The following PTPN6 variants were observed in gnomAD, a reference collection of about 807,000 sequenced individuals.
PTPN6 encodes tyrosine-protein phosphatase non-receptor type 6.
A neutral mutation model predicts 81.5 loss-of-function variants in PTPN6; 18 were observed. That is an observed-to-expected ratio of 0.22 (90% CI 0.15 to 0.33). The LOEUF is 0.33. Ranked by LOEUF, PTPN6 falls within the 10% of genes least tolerant of loss-of-function variation. The pLI, the probability that PTPN6 is intolerant of heterozygous loss-of-function variation, is 1.00. For synonymous variants in PTPN6, 301 were observed against 310.9 expected (o/e 0.97, Z 0.33); for missense variants, 500 against 794.2 (o/e 0.63, Z 4.45).
upstream of PTPN6, among the ~76,000 whole-genome samples, chr12:6,947,877 C>G (rs1417512502): frequency 2.0e-5 from 3 of 151,976 alleles, no homozygotes; most frequent in African/African-American, 7.3e-5. Flanking sequence ...ATGGTGAGCA[C>G]AAAGCCCTAA....
In PTPN6 at chr12:6,956,490, C is replaced by G. The variant is rs372072330; in HGVS notation, c.996C>G (p.Val332=). 2.0e-5 allele frequency: 32 copies of G among 1,613,964 alleles called. No homozygotes were observed. The highest frequency in any genetic ancestry group is 6.7e-5 in the Admixed American group (4 of 60,010). ...GCCAGGGTTGTCTGGAGGCCACGGT[C>G]AATGACTTCTGGCAGATGGCGTGGC... ...IASQGCLEAT[V]NDFWQMAWQE... The change falls in exon 9 of 16, where the codon GTC becomes GTG. Residue 332 remains valine (V), a synonymous_variant. Coordinates refer to ENST00000318974, the MANE Select transcript of PTPN6 (RefSeq NM_002831.6). The surrounding 1 kb of genome is among the most constrained non-coding windows in gnomAD (Gnocchi z 4.1).
rs1555148434 is a variant in PTPN6 at position 6,955,317 on chromosome 12, G to C, written c.633+50G>C. The C allele has an allele frequency of 1.2e-6, 2 of 1,611,060 alleles. No individual in the cohort carries two copies. The highest frequency in any genetic ancestry group is 1.7e-6 in the Non-Finnish European group (2 of 1,177,360). On this transcript the variant is annotated intron_variant, in intron 5 of 15. Coordinates refer to ENST00000318974, the MANE Select transcript of PTPN6 (RefSeq NM_002831.6). This position sits in a 1 kb window ranked among gnomAD's most constrained non-coding sequence, Gnocchi z 7.2. ...CCCACTTCCCCTGAGCTGTCCCCCA[G>C]ATGTGAGCTTCTGGGATCTCTGAGT... is the stretch of plus-strand genomic sequence containing the variant.
rs1437795248 is a variant in PTPN6, at chr12:6,961,154, C to T, written c.*54C>T. ...CAGCCCTGACCCTGTGGAAGCATTT[C>T]GCGATGGACAGACTCACAACCTGAA... On this transcript the variant is annotated 3_prime_UTR_variant, in exon 16 of 16. Transcript: ENST00000318974. The T allele has an allele frequency of 4.1e-5, 30 of 734,790 alleles. No homozygotes were observed. The highest frequency in any genetic ancestry group is 4.9e-5 in the Non-Finnish European group (23 of 465,172). The allele number at this position is 734,790 out of a possible 1,614,324, so 45.5% of individuals were successfully genotyped here.
chr12:6,956,029 A>C lies in PTPN6; in HGVS notation c.845-113A>C. 9.1e-7 allele frequency: 1 copy of C among 1,098,756 alleles called. No individual in the cohort carries two copies. The highest frequency in any genetic ancestry group is 1.4e-6 in the Non-Finnish European group (1 of 725,200). The allele number at this position is 1,098,756 out of a possible 1,614,324, so 68.1% of individuals were successfully genotyped here. On this transcript the variant is annotated intron_variant, in intron 7 of 15. Coordinates refer to ENST00000318974, the MANE Select transcript of PTPN6 (RefSeq NM_002831.6). This position sits in a 1 kb window ranked among gnomAD's most constrained non-coding sequence, Gnocchi z 4.1. ...CCCCTGCTGCCCACAGTCCCCCGCA[A>C]GCCTCATGGCTTCTGAGACCAGAAT... is the stretch of plus-strand genomic sequence containing the variant.
upstream of PTPN6, chr12:6,951,224 G>C (rs148834158): frequency 7.0e-7 from 1 of 1,418,642 alleles, no homozygotes; most frequent in Non-Finnish European, 9.2e-7. The surrounding 1 kb of genome is among the most constrained non-coding windows in gnomAD (Gnocchi z 7.2). Context: ...AGTGGGCCCC[G>C]TCCCCACCCC....
Position 6,952,565 on chromosome 12 carries a change from A to C in PTPN6, c.326+388A>C, listed in dbSNP as rs1591684600. 1 of 339,038 alleles carries C rather than the reference A, an allele frequency of 2.9e-6. No homozygotes were observed. Among genetic ancestry groups the C allele is most frequent in the Non-Finnish European group, 5.7e-6 (1 of 174,218 alleles). The allele number at this position is 339,038 out of a possible 1,614,324, so 21.0% of individuals were successfully genotyped here. On this transcript the variant is annotated intron_variant, in intron 3 of 15. Transcript: ENST00000318974. The surrounding 1 kb of genome is among the most constrained non-coding windows in gnomAD (Gnocchi z 8.1). The stretch of plus-strand genomic sequence containing the variant: ...GCCTGCCTTCCTCCGTCTGCCCCTC[A>C]CCCCAGCACATGTTAGGACAGTGAG...
chr12:6,950,833 G>A (rs1266162685), upstream of PTPN6, among the ~76,000 whole-genome samples: 1 of 152,114 alleles, frequency 6.6e-6, no homozygotes, highest in Non-Finnish European at 1.5e-5. Flanking sequence ...ACTCACTGAT[G>A]GACTCAGGCA....
rs782021292 is a variant in PTPN6, at chr12:6,960,252, C to T, written c.1581+13C>T. ...GGAGGTCCTGCAGGTGCGTGCAGAG[C>T]AGGGCCTGGGGGGGGGGGGGGCTGC... On this transcript the variant is annotated intron_variant, in intron 13 of 15. Coordinates refer to ENST00000318974, the MANE Select transcript of PTPN6 (RefSeq NM_002831.6). This position sits in a 1 kb window ranked among gnomAD's most constrained non-coding sequence, Gnocchi z 6.1. 47 of 1,482,660 alleles carry T rather than the reference C, an allele frequency of 3.2e-5. No individual in the cohort carries two copies. The Admixed American group carries it at 6.2e-4, about 20-fold the overall frequency. 91.8% of individuals were successfully genotyped at this position (1,482,660 alleles called of 1,614,324 possible). A position where few individuals can be genotyped will look rare whatever the true frequency, so the allele number is the denominator to read the frequency against.
Position 6,957,537 on chromosome 12 carries a change from C to T in PTPN6, c.1075-117C>T. The T allele has an allele frequency of 2.9e-6, 4 of 1,357,622 alleles. No individual in the cohort carries two copies. Among genetic ancestry groups the T allele is most frequent in the East Asian group, 2.5e-5 (1 of 40,178 alleles). 84.1% of individuals were successfully genotyped at this position (1,357,622 alleles called of 1,614,324 possible). On this transcript the variant is annotated intron_variant, in intron 9 of 15. Coordinates refer to ENST00000318974, the MANE Select transcript of PTPN6 (RefSeq NM_002831.6). This position sits in a 1 kb window ranked among gnomAD's most constrained non-coding sequence, Gnocchi z 6.5. ...GTCTCCTGCCTCTCTGCCAGCCCATCCGTCCATCCAACAAATGTTTGGGCC... is the reference window on the plus strand; with the variant it reads ...GTCTCCTGCCTCTCTGCCAGCCCATTCGTCCATCCAACAAATGTTTGGGCC...
rs1555149380 is a variant in PTPN6, at chr12:6,959,874, C to G, written c.1362-53C>G. 21 of 1,595,482 alleles carry G rather than the reference C, an allele frequency of 1.3e-5. No homozygotes were observed. Among genetic ancestry groups the G allele is most frequent in the Non-Finnish European group, 1.7e-5 (20 of 1,166,686 alleles). On this transcript the variant is annotated intron_variant, in intron 11 of 15. Transcript: ENST00000318974. The surrounding 1 kb of genome is among the most constrained non-coding windows in gnomAD (Gnocchi z 6.6). ...GCTGGAGCTGAGCGCTGGGTACCCC[C>G]CTTCCCGGGGAGGGCTTGACTGGCC...
upstream of PTPN6, among the ~76,000 whole-genome samples, chr12:6,947,495 C>T (rs1045470536): frequency 2.6e-5 from 4 of 151,876 alleles, no homozygotes; most frequent in Admixed American, 6.6e-5. Context: ...TATAGTGAGA[C>T]CCTGTCTCTA....
Position 6,955,157 on chromosome 12 carries a change from C to T in PTPN6, c.523C>T (p.Arg175Cys), listed in dbSNP as rs781988918. 21 of 1,613,922 alleles carry T rather than the reference C, an allele frequency of 1.3e-5. No individual in the cohort carries two copies. The highest frequency in any genetic ancestry group is 1.7e-5 in the Admixed American group (1 of 59,994). ...CTAATTTGGCTCCCCCCAGGGTGGA[C>T]GCTACACAGTGGGTGGTTTGGAGAC... ...THIKVMCEGG[R>C]YTVGGLETFD... The change falls in exon 5 of 16, where the codon CGC becomes TGC. Residue 175 changes from arginine to cysteine, a missense_variant. Physicochemically the swap from Arg to Cys is radical, Grantham distance 180. This residue lies in a region of PTPN6 where 96 missense variants were observed against 137.3 expected (regional missense o/e 0.70). Coordinates refer to ENST00000318974, the MANE Select transcript of PTPN6 (RefSeq NM_002831.6). The surrounding 1 kb of genome is among the most constrained non-coding windows in gnomAD (Gnocchi z 7.2).
At position 6,951,862 on chromosome 12, in the gene PTPN6, C is replaced by T. The variant is rs782765425; in HGVS notation, c.132-121C>T. 14 of 1,561,826 alleles carry T rather than the reference C, an allele frequency of 9.0e-6. No homozygotes were observed. Among genetic ancestry groups the T allele is most frequent in the Non-Finnish European group, 1.1e-5 (13 of 1,143,834 alleles). ...TGTTCCCTTGCCCCCAACCCCCACA[C>T]TCCCCATCCCTGTCTGTGCCCACCC... On this transcript the variant is annotated intron_variant, in intron 2 of 15. Transcript: ENST00000318974. The surrounding 1 kb of genome is among the most constrained non-coding windows in gnomAD (Gnocchi z 7.2).
intron 11 of PTPN6, 32 bp downstream of exon 11, chr12:6,958,105 C>T: frequency 1.2e-6 from 2 of 1,604,990 alleles, no homozygotes; most frequent in South Asian, 2.2e-5. Flanking sequence ...GTAGTAGTGA[C>T]AGCTGAGAAG....
chr12:6,955,222 G>A lies in PTPN6; in HGVS notation c.588G>A (p.Lys196=), dbSNP rs1946004957. Residue 196 remains lysine, a synonymous_variant, in exon 5 of 16, where the codon AAG becomes AAA. Coordinates refer to ENST00000318974, the MANE Select transcript of PTPN6 (RefSeq NM_002831.6). This position sits in a 1 kb window ranked among gnomAD's most constrained non-coding sequence, Gnocchi z 7.2. Reference sequence around the variant, plus strand: ...CGGACCTGGTGGAGCATTTCAAGAAGACGGGGATTGAGGAGGCCTCAGGCG... The same window carrying A: ...CGGACCTGGTGGAGCATTTCAAGAAAACGGGGATTGAGGAGGCCTCAGGCG... ...SLTDLVEHFK[K]TGIEEASGAF... 2 of 1,614,232 alleles carry A rather than the reference G, an allele frequency of 1.2e-6. No homozygotes were observed. Among genetic ancestry groups the A allele is most frequent in the Non-Finnish European group, 1.7e-6 (2 of 1,180,036 alleles).
chr12:6,948,514 G>A (rs978950997), upstream of PTPN6, among the ~76,000 whole-genome samples: 3 of 146,866 alleles, frequency 2.0e-5, no homozygotes, highest in African/African-American at 7.6e-5. Context: ...AAAAAGGAAA[G>A]AGCGAGAAAG....
chr12:6,959,964 G>A lies in PTPN6; in HGVS notation c.1399G>A (p.Asp467Asn), dbSNP rs376994439. The A allele has an allele frequency of 1.1e-5, 18 of 1,604,738 alleles. No individual in the cohort carries two copies. Among genetic ancestry groups the A allele is most frequent in the African/African-American group, 8.1e-5 (6 of 74,420 alleles). Residue 467 changes from aspartate (D) to asparagine (N), a missense_variant, in exon 12 of 16, where the codon GAC becomes AAC. Around this residue, in one of 6 missense-constraint regions of PTPN6, gnomAD observed 226 missense variants for 364.4 expected, o/e 0.62. Transcript: ENST00000318974. The surrounding 1 kb of genome is among the most constrained non-coding windows in gnomAD (Gnocchi z 6.6). ...CCGCACAGGCACCATCATTGTCATC[G>A]ACATGCTCATGGAGAACATCTCCAC... ...IGRTGTIIVI[D>N]MLMENISTKG...
chr12:6,946,684 C>T (rs781973875), upstream of PTPN6: 14 of 1,582,758 alleles, frequency 8.8e-6, no homozygotes, highest in East Asian at 1.3e-4. Context: ...CAGCCCCGCC[C>T]CCTGCGGCCC....
Position 6,956,719 on chromosome 12 carries a change from T to G in PTPN6, c.1074+151T>G. 9.4e-7 allele frequency: 1 copy of G among 1,060,808 alleles called. No homozygotes were observed. The highest frequency in any genetic ancestry group is 1.4e-6 in the Non-Finnish European group (1 of 727,904). 65.7% of individuals were successfully genotyped at this position (1,060,808 alleles called of 1,614,324 possible). ...TGAGGGCTAGTGACAAAGTCTCGAC[T>G]ACACAACGTGACCCCCAGATCCCTG... On this transcript the variant is annotated intron_variant, in intron 9 of 15. Coordinates refer to ENST00000318974, the MANE Select transcript of PTPN6 (RefSeq NM_002831.6). The surrounding 1 kb of genome is among the most constrained non-coding windows in gnomAD (Gnocchi z 4.1).
Sources: gnomAD v4.1 joint callset for allele counts (sites outside exome capture counted in the v4.1 genomes callset) on GRCh38, gnomAD v4.1.1 for gene constraint, gnomAD v4.1.1 regional missense constraint, Gnocchi (gnomAD v3.1) non-coding constraint, MANE v1.5 for transcripts, NCBI Gene and HGNC (gene_info 2026-07-23, HGNC 2026-07-21) for gene names.